The following DCC variants were observed in gnomAD, a reference collection of about 807,000 sequenced individuals.
DCC encodes the protein DCC netrin 1 receptor.
DCC carries 58 observed loss-of-function variants against 172.5 expected under a neutral mutation model. The observed-to-expected ratio is 0.34, with a 90% CI of 0.27 to 0.42. The LOEUF (loss-of-function observed/expected upper bound fraction) is 0.42. DCC is among the 10% of genes least tolerant of loss of function. The pLI is 1.00. For synonymous variants in DCC, 709 were observed against 644.5 expected (o/e 1.10, Z -1.52); for missense variants, 1,740 against 1,791.0 (o/e 0.97, Z 0.51).
At chr18:52,565,335 T>C (rs1453358882) in intron 1 of DCC, among the ~76,000 whole-genome samples, 4 of 152,184 alleles carry the variant, frequency 2.6e-5, no homozygotes, top group Non-Finnish European at 4.4e-5. Context: ...GAATGATTTA[T>C]AATCCTTTGG....
At chr18:52,971,280 C>T (rs1473731822) in intron 5 of DCC, among the ~76,000 whole-genome samples, 1 of 152,066 alleles carries the variant, frequency 6.6e-6, no homozygotes, top group Non-Finnish European at 1.5e-5. Context: ...CTTTGTAGCT[C>T]CCCTGCTACC....
intron 5 of DCC, among the ~76,000 whole-genome samples, chr18:52,963,828 G>GTTT (rs199927780): frequency 0.033 from 4,832 of 145,644 alleles, 118 homozygotes; most frequent in African/African-American, 0.059. Context: ...ATTATCTCTA[G>GTTT]TTTTTTTTTT....
At chr18:52,372,426 C>G (rs1285488919) in intron 1 of DCC, among the ~76,000 whole-genome samples, 2 of 152,158 alleles carry the variant, frequency 1.3e-5, no homozygotes, top group Non-Finnish European at 2.9e-5. Context: ...ACAAGGCACT[C>G]CCTGTACACT....
chr18:53,225,631 T>C (rs905340446), intron 12 of DCC, among the ~76,000 whole-genome samples: 5 of 152,156 alleles, frequency 3.3e-5, no homozygotes, highest in Admixed American at 6.6e-5. Flanking sequence ...GGAACAAGTA[T>C]TGAGGATTTC....
intron 8 of DCC, among the ~76,000 whole-genome samples, chr18:53,177,747 A>G (rs1425812323): frequency 6.6e-6 from 1 of 152,150 alleles, no homozygotes; most frequent in Non-Finnish European, 1.5e-5. Flanking sequence ...CCTCTTGATG[A>G]GACTCAGTCA....
intron 7 of DCC, among the ~76,000 whole-genome samples, chr18:53,085,989 C>CCT (rs2042875266): frequency 1.8e-5 from 1 of 55,932 alleles, no homozygotes; most frequent in Non-Finnish European, 3.2e-5. Context: ...TCTTCTTCTT[C>CCT]TCCTTCTCCT....
intron 26 of DCC, 120 bp downstream of exon 26, chr18:53,487,078 C>CT: frequency 7.7e-7 from 1 of 1,305,424 alleles, no homozygotes; most frequent in Non-Finnish European, 1.1e-6. Context: ...GACTGTGGTA[C>CT]TAGAATGTTC....
rs534800849 is a variant in DCC, at chr18:52,895,206, C to T, written c.413-10838C>T. Among the ~76,000 whole-genome samples the T allele has an allele frequency of 1.8e-3, 278 of 152,288 alleles. 1 individual carries two copies. The highest frequency in any genetic ancestry group is 6.6e-3 in the African/African-American group (273 of 41,550). On this transcript the variant is annotated intron_variant, in intron 2 of 28. Transcript: ENST00000442544. The stretch of plus-strand genomic sequence containing the variant: ...AATTGTGCATACTTCCAAGTAGGCC[C>T]AACAAATATCAGCCGTATTCACAAT...
intron 12 of DCC, among the ~76,000 whole-genome samples, chr18:53,253,538 T>C (rs2056467278): frequency 6.6e-6 from 1 of 152,080 alleles, no homozygotes; most frequent in Admixed American, 6.6e-5. Context: ...CCTCAAATAA[T>C]GTATAGACCA....
At chr18:53,501,968 T>C (rs1185374522) in intron 27 of DCC, among the ~76,000 whole-genome samples, 1 of 152,182 alleles carries the variant, frequency 6.6e-6, no homozygotes, top group East Asian at 1.9e-4. Flanking sequence ...ATGTCCTTCA[T>C]AGAAGGGAAG....
At chr18:52,928,116 A>G (rs1185798625) in intron 5 of DCC, among the ~76,000 whole-genome samples, 2 of 152,172 alleles carry the variant, frequency 1.3e-5, no homozygotes, top group Non-Finnish European at 2.9e-5. Flanking sequence ...CCTTTGCTGC[A>G]ACATGGATGG....
Position 53,530,608 on chromosome 18 carries a change from A to G in DCC, c.4299A>G (p.Glu1433=), listed in dbSNP as rs1271358254. 1.9e-6 allele frequency: 3 copies of G among 1,605,030 alleles called. No homozygotes were observed. Among genetic ancestry groups the G allele is most frequent in the South Asian group, 2.2e-5 (2 of 90,914 alleles). The part of the protein sequence containing the change: ...DDLSEQMASL[E]GLMKQLNAIT... Reference sequence around the variant, plus strand: ...TGAGTGAACAAATGGCAAGTTTGGAAGGACTCATGAAGCAGCTTAATGCCA... The same window carrying G: ...TGAGTGAACAAATGGCAAGTTTGGAGGGACTCATGAAGCAGCTTAATGCCA... The change falls in exon 29 of 29, where the codon GAA becomes GAG. Residue 1433 remains glutamate, a synonymous_variant. Transcript: ENST00000442544.
At chr18:52,347,821 T>C (rs1304624475) in intron 1 of DCC, among the ~76,000 whole-genome samples, 1 of 152,214 alleles carries the variant, frequency 6.6e-6, no homozygotes, top group African/African-American at 2.4e-5. Context: ...CTAGATCAAC[T>C]CTAGTTATTA....
At chr18:52,516,554 T>C (rs2031647314) in intron 1 of DCC, among the ~76,000 whole-genome samples, 1 of 152,118 alleles carries the variant, frequency 6.6e-6, no homozygotes, top group African/African-American at 2.4e-5. Flanking sequence ...TGCATGTGAA[T>C]CTACAGTCAT....
intron 7 of DCC, among the ~76,000 whole-genome samples, chr18:53,154,246 C>T (rs1348126941): frequency 2.0e-5 from 3 of 152,120 alleles, no homozygotes; most frequent in African/African-American, 7.2e-5. Context: ...ACAGGTATAG[C>T]CATATAGATA....
intron 24 of DCC, among the ~76,000 whole-genome samples, chr18:53,463,647 A>G (rs2045585564): frequency 6.6e-6 from 1 of 152,162 alleles, no homozygotes; most frequent in African/African-American, 2.4e-5. Context: ...TTCTTTTCAT[A>G]TAGTAAATGA....
intron 5 of DCC, among the ~76,000 whole-genome samples, chr18:52,964,569 G>A (rs766077600): frequency 6.6e-6 from 1 of 151,964 alleles, no homozygotes; most frequent in African/African-American, 2.4e-5. Context: ...GGGACTGTGG[G>A]TACTATTTTC....
intron 2 of DCC, among the ~76,000 whole-genome samples, chr18:52,781,996 A>G (rs1385206566): frequency 6.6e-6 from 1 of 152,178 alleles, no homozygotes; most frequent in Admixed American, 6.5e-5. Flanking sequence ...AGAAGAATGT[A>G]TGACTTTTTT....
chr18:52,789,817 C>A (rs1373753205), intron 2 of DCC, among the ~76,000 whole-genome samples: 1 of 152,058 alleles, frequency 6.6e-6, no homozygotes, highest in Non-Finnish European at 1.5e-5. Context: ...TTGGGAGGAG[C>A]CTGGTTTACA....
Sources: allele counts gnomAD v4.1 joint callset (sites outside exome capture counted in the v4.1 genomes callset), GRCh38; gene constraint gnomAD v4.1.1; transcripts MANE v1.5; gene names NCBI Gene and HGNC (gene_info 2026-07-23, HGNC 2026-07-21).